The following NUBPL variants were observed in gnomAD, a reference collection of about 807,000 sequenced individuals.
The protein encoded by NUBPL is iron-sulfur cluster transfer protein NUBPL.
In NUBPL, 31 loss-of-function variants were observed where a neutral mutation model predicts 45.7. The ratio of observed to expected loss-of-function variants is 0.68; its 90% CI spans 0.51 to 0.92. NUBPL has a LOEUF of 0.92. NUBPL is among the 40% of genes least tolerant of loss of function. The probability of loss-of-function intolerance (pLI) is 0.00; values close to 1 mark genes in which losing one functional copy is unlikely to be tolerated. For synonymous variants in NUBPL, 144 were observed against 140.9 expected (o/e 1.02, Z -0.15); for missense variants, 401 against 398.7 (o/e 1.01, Z -0.05).
chr14:31,831,376 A>T (rs1325517907), intron 8 of NUBPL, among the ~76,000 whole-genome samples: 2 of 151,830 alleles, frequency 1.3e-5, no homozygotes, highest in Non-Finnish European at 2.9e-5. Flanking sequence ...TTTTAATTTT[A>T]TGATCCAATT....
At chr14:31,799,952 C>T (rs1211302570) in intron 7 of NUBPL, among the ~76,000 whole-genome samples, 1 of 152,216 alleles carries the variant, frequency 6.6e-6, no homozygotes, top group African/African-American at 2.4e-5. Flanking sequence ...CTTCTCAAGC[C>T]ATGCTTCTGT....
At chr14:31,656,043 A>G (rs1203911675) in intron 4 of NUBPL, among the ~76,000 whole-genome samples, 2 of 152,204 alleles carry the variant, frequency 1.3e-5, no homozygotes, top group East Asian at 3.8e-4. Context: ...TACACCTTCT[A>G]CATCAGCACT....
intron 4 of NUBPL, among the ~76,000 whole-genome samples, chr14:31,640,107 G>A (rs1447514546): frequency 2.6e-5 from 4 of 152,122 alleles, no homozygotes; most frequent in African/African-American, 9.7e-5. Flanking sequence ...TGCGCCCACT[G>A]TCAGGCACTC....
intron 6 of NUBPL, among the ~76,000 whole-genome samples, chr14:31,707,898 C>A (rs1426807333): frequency 6.6e-6 from 1 of 152,114 alleles, no homozygotes; most frequent in Non-Finnish European, 1.5e-5. Context: ...CAGTGCCTGA[C>A]CAAACAGATG....
At chr14:31,578,038 A>C (rs1017959043) in intron 3 of NUBPL, 18 of 1,195,764 alleles carry the variant, frequency 1.5e-5, no homozygotes, top group Non-Finnish European at 1.9e-5. Flanking sequence ...AAGTGATTGA[A>C]AACAGATTAC....
At chr14:31,675,459 A>C (rs1301527753) in intron 6 of NUBPL, among the ~76,000 whole-genome samples, 1 of 152,236 alleles carries the variant, frequency 6.6e-6, no homozygotes, top group Non-Finnish European at 1.5e-5. Flanking sequence ...TCCTTAATGA[A>C]AATTCAGTAG....
At chr14:31,672,618 A>G (rs945056117) in intron 4 of NUBPL, among the ~76,000 whole-genome samples, 3 of 152,124 alleles carry the variant, frequency 2.0e-5, no homozygotes, top group Non-Finnish European at 2.9e-5. Context: ...GTGCACCACC[A>G]TGCCCAGCTA....
rs140832033 is a variant in NUBPL at position 31,707,247 on chromosome 14, G to A, written c.513+33673G>A. Among the ~76,000 whole-genome samples the A allele has an allele frequency of 7.4e-4, 113 of 152,356 alleles. 2 individuals are homozygous for A. The East Asian group carries it at 0.02, about 27-fold the overall frequency. ...TTGTCAGTGGCCTCAGTGCTTTCGG[G>A]CTATGCCCTTGTTTACACTGACAAC... On this transcript the variant is annotated intron_variant, in intron 6 of 10. Coordinates refer to ENST00000281081, the MANE Select transcript of NUBPL (RefSeq NM_025152.3).
At chr14:31,635,607 T>A (rs2035472061) in intron 4 of NUBPL, among the ~76,000 whole-genome samples, 1 of 151,888 alleles carries the variant, frequency 6.6e-6, no homozygotes, top group Non-Finnish European at 1.5e-5. Context: ...TTTAAAGTAG[T>A]TTTTTCCAAT....
intron 6 of NUBPL, among the ~76,000 whole-genome samples, chr14:31,707,237 G>A (rs1274778667): frequency 6.6e-6 from 1 of 152,246 alleles, no homozygotes; most frequent in Admixed American, 6.5e-5. Context: ...AGTGGCCTCA[G>A]TGCTTTCGGG....
chr14:31,748,903 C>A (rs879453613), intron 6 of NUBPL, among the ~76,000 whole-genome samples: 1 of 152,142 alleles, frequency 6.6e-6, no homozygotes, highest in Non-Finnish European at 1.5e-5. Flanking sequence ...TGAGCCACTG[C>A]GCCCCACCCC....
intron 6 of NUBPL, among the ~76,000 whole-genome samples, chr14:31,683,762 AT>A (rs202227537): frequency 4.0e-5 from 6 of 150,954 alleles, no homozygotes; most frequent in African/African-American, 1.2e-4. Flanking sequence ...AAAAATCTTC[AT>A]TTTTTTTCTA....
chr14:31,595,845 A>G (rs936064272), intron 3 of NUBPL, among the ~76,000 whole-genome samples: 1 of 151,914 alleles, frequency 6.6e-6, no homozygotes, highest in Non-Finnish European at 1.5e-5. Context: ...AGCTGTGCCA[A>G]TTCTAAGTAT....
chr14:31,858,096 G>A (rs536486944), intron 10 of NUBPL, among the ~76,000 whole-genome samples: 1 of 152,314 alleles, frequency 6.6e-6, no homozygotes, highest in South Asian at 2.1e-4. Context: ...CATGGAAGAA[G>A]GTGAAAGGCA....
rs78494262 is a variant in NUBPL, at chr14:31,596,244, A to T, written c.292-3045A>T. On this transcript the variant is annotated intron_variant, in intron 3 of 10. Transcript: ENST00000281081. Reference sequence around the variant, plus strand: ...TCATGATAAATAAAATCTAAGCAAGACATCCTAATTTAGTTCCAGTAAAAT... The same window carrying T: ...TCATGATAAATAAAATCTAAGCAAGTCATCCTAATTTAGTTCCAGTAAAAT... Among the ~76,000 whole-genome samples, 1,270 of 152,196 alleles carry T rather than the reference A, an allele frequency of 8.3e-3. 7 individuals carry two copies. Among genetic ancestry groups the T allele is most frequent in the Non-Finnish European group, 0.013 (864 of 68,000 alleles).
At chr14:31,658,118 TTGTC>T (rs577121047) in intron 4 of NUBPL, among the ~76,000 whole-genome samples, 61 of 152,306 alleles carry the variant, frequency 4.0e-4, no homozygotes, top group African/African-American at 1.3e-3. Flanking sequence ...TCCAGGGAAA[TTGTC>T]TGGGCATCTT....
rs202148377 is a variant in NUBPL, at chr14:31,739,597, C to CCT, written c.514-48182_514-48181dup. 6.5e-3 allele frequency among the ~76,000 whole-genome samples: 993 copies of CCT among 152,260 alleles called. 12 individuals are homozygous for CCT. Among genetic ancestry groups the CCT allele is most frequent in the African/African-American group, 0.022 (930 of 41,546 alleles). On this transcript the variant is annotated intron_variant, in intron 6 of 10. Transcript: ENST00000281081. ...ATGCCCCAACACATGCATAGCCTTTCCTACGATCAGCATCCTCCACCAGAG... is the reference window on the plus strand; with the variant it reads ...ATGCCCCAACACATGCATAGCCTTTCCTCTACGATCAGCATCCTCCACCAGAG...
intron 9 of NUBPL, 25 bp downstream of exon 9, chr14:31,846,616 T>G: frequency 6.2e-7 from 1 of 1,612,300 alleles, no homozygotes; most frequent in Non-Finnish European, 8.5e-7. Flanking sequence ...TGTTCTTTTG[T>G]AGAAGAAGTG....
chr14:31,646,061 A>G (rs1405237260), intron 4 of NUBPL, among the ~76,000 whole-genome samples: 1 of 151,834 alleles, frequency 6.6e-6, no homozygotes, highest in African/African-American at 2.4e-5. Context: ...TTCTTGTGTG[A>G]TGGATCTGGT....
Sources: gnomAD v4.1 joint callset for allele counts (sites outside exome capture counted in the v4.1 genomes callset) on GRCh38, gnomAD v4.1.1 for gene constraint, MANE v1.5 for transcripts, NCBI Gene and HGNC (gene_info 2026-07-23, HGNC 2026-07-21) for gene names.